The following ZNF432 variants were observed in gnomAD, a reference collection of about 807,000 sequenced individuals.
The protein encoded by ZNF432 is zinc finger protein 432.
ZNF432 carries 10 observed loss-of-function variants against 13.9 expected under a neutral mutation model. The ratio of observed to expected loss-of-function variants is 0.72; its 90% CI spans 0.44 to 1.22. The LOEUF is 1.22. Among genes scored for constraint, ZNF432 ranks in the 50% most tolerant of loss-of-function variants. The probability of loss-of-function intolerance (pLI) is 0.00; values close to 1 mark genes in which losing one functional copy is unlikely to be tolerated. For synonymous variants in ZNF432, 247 were observed against 256.2 expected (o/e 0.96, Z 0.34); for missense variants, 793 against 796.2 (o/e 1.00, Z 0.05).
intron 2 of ZNF432, among the ~76,000 whole-genome samples, chr19:52,042,072 G>C (rs1237074210): frequency 6.6e-6 from 1 of 152,108 alleles, no homozygotes; most frequent in Non-Finnish European, 1.5e-5. Flanking sequence ...AACTATTAAA[G>C]AGTAACCAAA....
Position 52,041,579 on chromosome 19 carries a change from C to G in ZNF432, c.43G>C (p.Val15Leu). 6.2e-7 allele frequency: 1 copy of G among 1,614,118 alleles called. No homozygotes were observed. The highest frequency in any genetic ancestry group is 8.5e-7 in the Non-Finnish European group (1 of 1,179,994). Residue 15 changes from valine to leucine, a missense_variant, in exon 3 of 5, where the codon GTG (valine) becomes CTG (leucine). Coordinates refer to ENST00000221315, the MANE Select transcript of ZNF432 (RefSeq NM_014650.4). ...QELLTLEDVT[V>L]EFTWEEWQLL... ...TGCCACTCCTCCCAGGTGAACTCCA[C>G]AGTAACATCCTCCAGTGTCAGCAAT... is the stretch of plus-strand genomic sequence containing the variant.
chr19:52,046,843 G>T lies in ZNF432; in HGVS notation c.15+11C>A, dbSNP rs2087188499. 1.9e-6 allele frequency: 3 copies of T among 1,613,390 alleles called. No homozygotes were observed. The South Asian group carries it at 3.3e-5, about 18-fold the overall frequency. On this transcript the variant is annotated intron_variant, in intron 2 of 4. Transcript: ENST00000221315. ...GGAATAAAGGAGAGAATAAAATAGA[G>T]AAAAAGTCACCTGGGCATTGATCAT... is the stretch of plus-strand genomic sequence containing the variant.
Position 52,032,880 on chromosome 19 carries a change from T to C in ZNF432, c.*840A>G, listed in dbSNP as rs2087029215. The C allele has an allele frequency of 6.6e-6, 1 of 152,240 alleles. No homozygotes were observed. The highest frequency in any genetic ancestry group is 2.1e-4 in the South Asian group (1 of 4,838). The allele number at this position is 152,240 out of a possible 1,614,324, so 9.4% of individuals were successfully genotyped here. Reference sequence around the variant, plus strand: ...TGAAATCCTCGTGTATTCACTGCCATCTGAAACTTGTTCTCCAGTATGAAA... The same window carrying C: ...TGAAATCCTCGTGTATTCACTGCCACCTGAAACTTGTTCTCCAGTATGAAA... On this transcript the variant is annotated 3_prime_UTR_variant, in exon 5 of 5. Coordinates refer to ENST00000221315, the MANE Select transcript of ZNF432 (RefSeq NM_014650.4).
At chr19:52,040,359 AG>A in intron 4 of ZNF432, 128 bp downstream of exon 4, 6 of 784,764 alleles carry the variant, frequency 7.6e-6, no homozygotes, top group Non-Finnish European at 1.3e-5. Context: ...TAAGATGGGA[AG>A]GGTTTCTTGT....
At chr19:52,047,792 C>A (rs936401403) in intron 1 of ZNF432, among the ~76,000 whole-genome samples, 1 of 151,434 alleles carries the variant, frequency 6.6e-6, no homozygotes, top group African/African-American at 2.4e-5. Context: ...GAAAACAATT[C>A]AAAAATATAA....
At position 52,035,267 on chromosome 19, in the gene ZNF432, T is replaced by C; in HGVS notation, c.412A>G (p.Lys138Glu). 1.2e-6 allele frequency: 2 copies of C among 1,605,118 alleles called. No individual in the cohort carries two copies. Among genetic ancestry groups the C allele is most frequent in the South Asian group, 2.3e-5 (2 of 88,458 alleles). The change falls in exon 5 of 5, where the codon AAA (lysine) becomes GAA (glutamate). Residue 138 changes from lysine to glutamate, a missense_variant. By Grantham distance (56) the Lys-to-Glu change is moderately conservative (BLOSUM62 1). Coordinates refer to ENST00000221315, the MANE Select transcript of ZNF432 (RefSeq NM_014650.4). Reference protein sequence around the residue: ...DTFELYIKTLKSNLSLVNQNK... With the variant: ...DTFELYIKTLESNLSLVNQNK... ...TGGTTGACTAAACTTAAATTTGATT[T>C]CAAAGTTTTTATATATAACTCAAAT...
chr19:52,034,792 T>C lies in ZNF432; in HGVS notation c.887A>G (p.Lys296Arg). The change falls in exon 5 of 5, where the codon AAA becomes AGA. Residue 296 changes from lysine to arginine, a missense_variant. Physicochemically the swap from Lys to Arg is conservative, Grantham distance 26 (BLOSUM62 2). Transcript: ENST00000221315. ...EKPYICNECG[K>R]GFPGKRNLIV... ...GAGATTACGCTTGCCTGGGAAGCCTTTTCCACATTCATTGCATATGTAGGG... is the reference window on the plus strand; with the variant it reads ...GAGATTACGCTTGCCTGGGAAGCCTCTTCCACATTCATTGCATATGTAGGG... 1.9e-6 allele frequency: 3 copies of C among 1,612,354 alleles called. No individual in the cohort carries two copies. The highest frequency in any genetic ancestry group is 2.5e-6 in the Non-Finnish European group (3 of 1,179,264).
chr19:52,038,426 G>A (rs936162263), intron 4 of ZNF432, among the ~76,000 whole-genome samples: 3 of 152,162 alleles, frequency 2.0e-5, no homozygotes, highest in African/African-American at 7.2e-5. Context: ...GAGTAGCTGG[G>A]ATTACAGGCA....
chr19:52,047,174 C>G, intron 1 of ZNF432, 114 bp from the exon 2 acceptor site: 1 of 378,202 alleles, frequency 2.6e-6, no homozygotes, highest in East Asian at 4.0e-5. Context: ...CAATGTAGGC[C>G]AAATGCCTTT....
chr19:52,047,639 C>G (rs1237733948), intron 1 of ZNF432, among the ~76,000 whole-genome samples: 1 of 142,946 alleles, frequency 7.0e-6, no homozygotes, highest in African/African-American at 2.7e-5. Flanking sequence ...CCATTGCACT[C>G]AAGCCTGGGC....
chr19:52,039,646 A>G (rs2087115124), intron 4 of ZNF432, among the ~76,000 whole-genome samples: 1 of 151,516 alleles, frequency 6.6e-6, no homozygotes, highest in African/African-American at 2.4e-5. Context: ...AAACTGGCCA[A>G]CATGGTGAAA....
chr19:52,048,161 A>ACACACACACACACG (rs2087207047), intron 1 of ZNF432, among the ~76,000 whole-genome samples: 1 of 150,764 alleles, frequency 6.6e-6, no homozygotes. Context: ...ACACACACAC[A>ACACACACACACACG]CACACACACA....
chr19:52,043,103 T>C (rs1423798845), intron 2 of ZNF432, among the ~76,000 whole-genome samples: 1 of 152,128 alleles, frequency 6.6e-6, no homozygotes, highest in East Asian at 1.9e-4. Flanking sequence ...TAGTAGGAAC[T>C]TGAGGCAGGA....
Position 52,035,067 on chromosome 19 carries a change from G to A in ZNF432, c.612C>T (p.Asn204=). ...KHQRTHEIEK[N]HVCSECGKAF... ...CTTTCCCACATTCACTGCATACGTG[G>A]TTTTTTTCTATTTCATGAGTTCTCT... Residue 204 remains asparagine, a synonymous_variant, in exon 5 of 5, where the codon AAC becomes AAT. Coordinates refer to ENST00000221315, the MANE Select transcript of ZNF432 (RefSeq NM_014650.4). 1 of 1,614,050 alleles carries A rather than the reference G, an allele frequency of 6.2e-7. No individual in the cohort carries two copies. The highest frequency in any genetic ancestry group is 8.5e-7 in the Non-Finnish European group (1 of 1,179,998).
rs1408284858 is a variant in ZNF432, at chr19:52,040,289, A to G, written c.238+199T>C. ...GAACTCCATAGGTAGAGGACATTCA[A>G]TACAACACCAGCACAGACAGGACAG... On this transcript the variant is annotated intron_variant, in intron 4 of 4. Coordinates refer to ENST00000221315, the MANE Select transcript of ZNF432 (RefSeq NM_014650.4). 8.4e-6 allele frequency: 5 copies of G among 598,744 alleles called. No homozygotes were observed. The East Asian group carries it at 8.6e-5, about 10-fold the overall frequency. The allele number at this position is 598,744 out of a possible 1,614,324, so 37.1% of individuals were successfully genotyped here. A position where few individuals can be genotyped will look rare whatever the true frequency, so the allele number is the denominator to read the frequency against.
intron 4 of ZNF432, chr19:52,040,237 CAAAAA>C: frequency 3.9e-6 from 2 of 508,240 alleles, no homozygotes; most frequent in South Asian, 4.3e-5. Context: ...AAACAGTAAA[CAAAAA>C]TAGTAGAGAC....
At position 52,034,640 on chromosome 19, in the gene ZNF432, A is replaced by C; in HGVS notation, c.1039T>G (p.Cys347Gly). Residue 347 changes from cysteine (C) to glycine (G), a missense_variant, in exon 5 of 5, where the codon TGT becomes GGT. By Grantham distance (159) the Cys-to-Gly change is radical. Transcript: ENST00000221315. ...RTHTGEKPYI[C>G]SECGKGFTTK... ...GTGAAGCCTTTCCCACATTCACTACAGATGTAGGGCTTCTCTCCTGTATGA... is the reference window on the plus strand; with the variant it reads ...GTGAAGCCTTTCCCACATTCACTACCGATGTAGGGCTTCTCTCCTGTATGA... 3 of 1,613,632 alleles carry C rather than the reference A, an allele frequency of 1.9e-6. No homozygotes were observed. Among genetic ancestry groups the C allele is most frequent in the Non-Finnish European group, 2.5e-6 (3 of 1,179,828 alleles).
In ZNF432 at chr19:52,046,910, G is replaced by C. The variant is rs763368344; in HGVS notation, c.-42C>G. 6.2e-7 allele frequency: 1 copy of C among 1,609,368 alleles called. No homozygotes were observed. Among genetic ancestry groups the C allele is most frequent in the Non-Finnish European group, 8.5e-7 (1 of 1,177,588 alleles). On this transcript the variant is annotated 5_prime_UTR_variant, in exon 2 of 5. Transcript: ENST00000221315. ...AAATGGCCAGCACCTGGGATACTCTGTCTTTGTCTCCTCTGGATCTGCCTT... is the reference window on the plus strand; with the variant it reads ...AAATGGCCAGCACCTGGGATACTCTCTCTTTGTCTCCTCTGGATCTGCCTT...
Position 52,031,504 on chromosome 19 carries a change from G to A in ZNF432, c.*2216C>T, listed in dbSNP as rs1031833289. 6.6e-6 allele frequency: 1 copy of A among 152,142 alleles called. No homozygotes were observed. The highest frequency in any genetic ancestry group is 1.5e-5 in the Non-Finnish European group (1 of 68,022). The allele number at this position is 152,142 out of a possible 1,614,324, so 9.4% of individuals were successfully genotyped here. A position where few individuals can be genotyped will look rare whatever the true frequency, so the allele number is the denominator to read the frequency against. ...ATCCATTTAAAAGAATACTAACTCA[G>A]TAACAAAAATTAAAACTATTTAGAC... is the stretch of plus-strand genomic sequence containing the variant. On this transcript the variant is annotated 3_prime_UTR_variant, in exon 5 of 5. Coordinates refer to ENST00000221315, the MANE Select transcript of ZNF432 (RefSeq NM_014650.4).
Sources: allele counts gnomAD v4.1 joint callset (sites outside exome capture counted in the v4.1 genomes callset), GRCh38; gene constraint gnomAD v4.1.1; transcripts MANE v1.5; gene names NCBI Gene and HGNC (gene_info 2026-07-23, HGNC 2026-07-21).